The following MEIS1 variants were observed in gnomAD, a reference collection of about 807,000 sequenced individuals.
MEIS1 encodes homeobox protein Meis1.
Under a neutral mutation model 50.8 loss-of-function variants are expected in MEIS1, and 5 were observed. The observed-to-expected ratio is 0.10, with a 90% CI of 0.05 to 0.21. The LOEUF (loss-of-function observed/expected upper bound fraction) is 0.21. MEIS1 is among the 10% of genes least tolerant of loss of function. The pLI, the probability that MEIS1 is intolerant of heterozygous loss-of-function variation, is 1.00. For missense variants in MEIS1, 318 were observed against 517.3 expected, an observed-to-expected ratio of 0.61 and a Z score of 3.74; for synonymous variants, 176 against 179.3, an observed-to-expected ratio of 0.98 and a Z score of 0.15.
chr2:66,556,479 T>A (rs1208173988), intron 9 of MEIS1, among the ~76,000 whole-genome samples: 1 of 138,824 alleles, frequency 7.2e-6, no homozygotes, highest in East Asian at 2.2e-4. Context: ...TGGCTTAATA[T>A]TGATAAAGTC....
intron 6 of MEIS1, among the ~76,000 whole-genome samples, chr2:66,456,551 A>G (rs1224272018): frequency 6.6e-6 from 1 of 152,306 alleles, no homozygotes; most frequent in Admixed American, 6.5e-5. Context: ...TCTTACCGCT[A>G]ATTTACCATC....
chr2:66,437,256 GCTTT>G (rs1212875131), intron 1 of MEIS1: 3 of 154,444 alleles, frequency 1.9e-5, no homozygotes, highest in African/African-American at 7.3e-5. Context: ...AAATTCACGT[GCTTT>G]GCGTAGCTGT....
chr2:66,548,092 T>G (rs1446480872), intron 9 of MEIS1, 73 bp downstream of exon 9: 8 of 1,461,010 alleles, frequency 5.5e-6, no homozygotes, highest in Non-Finnish European at 7.6e-6. Context: ...TGTTTTGCAT[T>G]AAGAAGACAC....
chr2:66,567,051 A>C (rs1675366618), intron 9 of MEIS1, among the ~76,000 whole-genome samples: 1 of 152,204 alleles, frequency 6.6e-6, no homozygotes, highest in Non-Finnish European at 1.5e-5. Context: ...AGAGAACATA[A>C]GATTGAAATG....
intron 3 of MEIS1, 95 bp downstream of exon 3, chr2:66,440,079 A>ACACACACACACACACG: frequency 9.2e-7 from 1 of 1,086,312 alleles, no homozygotes; most frequent in Non-Finnish European, 1.3e-6. Context: ...ACACACACAC[A>ACACACACACACACACG]CACACACACA....
chr2:66,563,566 A>G (rs1379412863), intron 9 of MEIS1, among the ~76,000 whole-genome samples: 1 of 152,168 alleles, frequency 6.6e-6, no homozygotes, highest in Non-Finnish European at 1.5e-5. Flanking sequence ...TGTTTAGAGA[A>G]TTCTTGATAA....
At chr2:66,497,203 A>G (rs1363598368) in intron 7 of MEIS1, among the ~76,000 whole-genome samples, 2 of 152,212 alleles carry the variant, frequency 1.3e-5, no homozygotes, top group Non-Finnish European at 2.9e-5. Context: ...CTAATGGAGT[A>G]AATGGAAAGG....
Position 66,537,086 on chromosome 2 carries a change from G to T in MEIS1, c.889-10857G>T, listed in dbSNP as rs115616932. Among the ~76,000 whole-genome samples the T allele has an allele frequency of 5.5e-3, 830 of 152,260 alleles. 5 individuals carry two copies. The highest frequency in any genetic ancestry group is 0.019 in the African/African-American group (784 of 41,530). On this transcript the variant is annotated intron_variant, in intron 8 of 12. Coordinates refer to ENST00000272369, the MANE Select transcript of MEIS1 (RefSeq NM_002398.3). ...ATACTTGGCTGAGGGTGCTGCTTGAGAGTGTCTGTTAGCTGGGCTTCAATC... is the reference window on the plus strand; with the variant it reads ...ATACTTGGCTGAGGGTGCTGCTTGATAGTGTCTGTTAGCTGGGCTTCAATC...
intron 7 of MEIS1, among the ~76,000 whole-genome samples, chr2:66,499,688 A>G (rs1432241163): frequency 3.0e-5 from 4 of 131,490 alleles, no homozygotes; most frequent in Non-Finnish European, 6.3e-5. Flanking sequence ...AAGTGAGGGT[A>G]CATAGGTTAA....
At chr2:66,498,106 C>G (rs1435399302) in intron 7 of MEIS1, among the ~76,000 whole-genome samples, 2 of 152,044 alleles carry the variant, frequency 1.3e-5, no homozygotes, top group African/African-American at 4.8e-5. Context: ...GGAGAGGTGA[C>G]AAGAGTAGCA....
chr2:66,478,621 C>T (rs1473048483), intron 7 of MEIS1, among the ~76,000 whole-genome samples: 7 of 152,158 alleles, frequency 4.6e-5, no homozygotes, highest in African/African-American at 1.2e-4. Context: ...TAGGATTAAA[C>T]GTGCTAAACA....
intron 2 of MEIS1, among the ~76,000 whole-genome samples, chr2:66,438,842 T>C (rs116619273): frequency 6.6e-6 from 1 of 150,618 alleles, no homozygotes; most frequent in South Asian, 2.1e-4. Context: ...GAAAAAAAAA[T>C]ATATATAATC....
intron 7 of MEIS1, among the ~76,000 whole-genome samples, chr2:66,487,492 C>A (rs532038640): frequency 6.6e-5 from 10 of 152,288 alleles, no homozygotes; most frequent in African/African-American, 2.4e-4. Context: ...AACTGTTTAA[C>A]CACTTATTTT....
intron 7 of MEIS1, among the ~76,000 whole-genome samples, chr2:66,485,411 A>G (rs575630023): frequency 4.6e-5 from 7 of 152,302 alleles, no homozygotes; most frequent in African/African-American, 1.4e-4. Flanking sequence ...AGCTTCATCC[A>G]TGTCCCTGCG....
chr2:66,457,987 A>G lies in MEIS1; in HGVS notation c.631-6122A>G, dbSNP rs1373379038. ...TTGAGAGAGTAAATGTACCTCCCCA[A>G]AGAGAAAGCCGCCTATTGACAGGTG... On this transcript the variant is annotated intron_variant, in intron 6 of 12. Transcript: ENST00000272369. Among the ~76,000 whole-genome samples the G allele has an allele frequency of 2.6e-5, 4 of 152,192 alleles. No individual in the cohort carries two copies. The East Asian group carries it at 7.7e-4, about 29-fold the overall frequency.
chr2:66,491,593 G>A (rs1308119684), intron 7 of MEIS1, among the ~76,000 whole-genome samples: 1 of 152,130 alleles, frequency 6.6e-6, no homozygotes, highest in African/African-American at 2.4e-5. Context: ...TTCATCCTCT[G>A]TTTGTACAGG....
chr2:66,482,230 T>A (rs1386267631), intron 7 of MEIS1, among the ~76,000 whole-genome samples: 2 of 152,146 alleles, frequency 1.3e-5, no homozygotes, highest in African/African-American at 4.8e-5. Flanking sequence ...AGGTGGGAAA[T>A]TTTTCAAACA....
At chr2:66,444,006 C>G (rs1049505914) in intron 6 of MEIS1, among the ~76,000 whole-genome samples, 7 of 152,202 alleles carry the variant, frequency 4.6e-5, no homozygotes, top group African/African-American at 1.7e-4. Flanking sequence ...GGGTGCCTCT[C>G]TCTCTCCTGT....
At chr2:66,554,205 A>G (rs538266084) in intron 9 of MEIS1, among the ~76,000 whole-genome samples, 147 of 152,354 alleles carry the variant, frequency 9.6e-4, no homozygotes, top group African/African-American at 3.5e-3. Flanking sequence ...CTGAATATCC[A>G]TGATTCATTT....
Sources: gnomAD v4.1 joint callset for allele counts (sites outside exome capture counted in the v4.1 genomes callset) on GRCh38, gnomAD v4.1.1 for gene constraint, MANE v1.5 for transcripts, NCBI Gene and HGNC (gene_info 2026-07-23, HGNC 2026-07-21) for gene names.